TPD52: variants seen among roughly 807,000 people sequenced by gnomAD.
The protein encoded by TPD52 is tumor protein D52.
A neutral mutation model predicts 31.3 loss-of-function variants in TPD52; 17 were observed. The observed-to-expected ratio is 0.54, with a 90% confidence interval of 0.37 to 0.82. The LOEUF (loss-of-function observed/expected upper bound fraction) is 0.82. Ranked by LOEUF, TPD52 falls within the 40% of genes least tolerant of loss-of-function variation. The pLI is 0.00. For synonymous variants in TPD52, 83 were observed against 89.6 expected, an observed-to-expected ratio of 0.93 and a Z score of 0.42; for missense variants, 212 against 240.1, an observed-to-expected ratio of 0.88 and a Z score of 0.77.
At chr8:80,132,331 T>C (rs1216421996) in intron 1 of TPD52, among the ~76,000 whole-genome samples, 1 of 152,118 alleles carries the variant, frequency 6.6e-6, no homozygotes. Context: ...AGAACAGCAC[T>C]TCTTGGGTTT....
intron 2 of TPD52, among the ~76,000 whole-genome samples, chr8:80,061,752 A>G (rs1404982975): frequency 6.6e-6 from 1 of 152,242 alleles, no homozygotes; most frequent in Non-Finnish European, 1.5e-5. Flanking sequence ...ATCAAGATAT[A>G]ATATTCAGTT....
At chr8:80,101,133 T>C (rs1359508143) in intron 1 of TPD52, among the ~76,000 whole-genome samples, 1 of 152,112 alleles carries the variant, frequency 6.6e-6, no homozygotes, top group Non-Finnish European at 1.5e-5. Flanking sequence ...AGAGAAATAA[T>C]GTAGATAACA....
chr8:80,086,099 T>TG, intron 1 of TPD52, among the ~76,000 whole-genome samples: 1 of 128,620 alleles, frequency 7.8e-6, no homozygotes, highest in East Asian at 2.6e-4. Flanking sequence ...CGGGTTTTTT[T>TG]GCTTTTTTTT....
chr8:80,057,398 A>AT, intron 2 of TPD52, among the ~76,000 whole-genome samples: 1 of 152,338 alleles, frequency 6.6e-6, no homozygotes, highest in Non-Finnish European at 1.5e-5. Context: ...TGTTTATTGC[A>AT]TCACTATTCA....
At chr8:80,163,234 TGATAGATAA>T (rs1811479047) in intron 1 of TPD52, among the ~76,000 whole-genome samples, 1 of 152,190 alleles carries the variant, frequency 6.6e-6, no homozygotes, top group Non-Finnish European at 1.5e-5. Flanking sequence ...TAATTTCCAC[TGATAGATAA>T]ATAATAAAGA....
At chr8:80,132,600 G>A (rs1809097687) in intron 1 of TPD52, among the ~76,000 whole-genome samples, 1 of 152,150 alleles carries the variant, frequency 6.6e-6, no homozygotes, top group African/African-American at 2.4e-5. Flanking sequence ...CTGGTTGTTA[G>A]AATTGTGACT....
chr8:80,162,379 C>T (rs920743646), intron 1 of TPD52, among the ~76,000 whole-genome samples: 1 of 152,092 alleles, frequency 6.6e-6, no homozygotes, highest in East Asian at 1.9e-4. Context: ...GAAGGCAAGA[C>T]ACACTAAGAT....
chr8:80,041,855 C>T lies in TPD52; in HGVS notation c.504+765G>A, dbSNP rs372415869. Among the ~76,000 whole-genome samples the T allele has an allele frequency of 5.4e-3, 824 of 152,092 alleles. 6 individuals carry two copies. The highest frequency in any genetic ancestry group is 0.019 in the African/African-American group (783 of 41,484). ...CTGTAATCCCAGCACTTTGGGAGGC[C>T]GAGGCGGGCGGATCACGAGGTCAGG... On this transcript the variant is annotated intron_variant, in intron 7 of 7. Transcript: ENST00000518937.
chr8:80,073,140 T>C (rs1171813882), intron 1 of TPD52, among the ~76,000 whole-genome samples: 3 of 151,854 alleles, frequency 2.0e-5, no homozygotes, highest in Non-Finnish European at 4.4e-5. Context: ...GAAATAAAGG[T>C]ATTAACTCAA....
At chr8:80,065,350 GTA>G (rs1459009459) in intron 1 of TPD52, among the ~76,000 whole-genome samples, 1 of 150,356 alleles carries the variant, frequency 6.7e-6, no homozygotes, top group Non-Finnish European at 1.5e-5. Context: ...GAATACTAAG[GTA>G]TATGTTCAGA....
intron 1 of TPD52, among the ~76,000 whole-genome samples, chr8:80,164,898 C>CAAAAAAAAAAAAAAAAA (rs34027501): frequency 3.1e-5 from 1 of 31,908 alleles, no homozygotes; most frequent in African/African-American, 1.1e-4. Context: ...GACAATGTCT[C>CAAAAAAAAAAAAAAAAA]AAAAAAAAAA....
intron 1 of TPD52, among the ~76,000 whole-genome samples, chr8:80,068,456 T>G (rs1813408818): frequency 1.3e-5 from 2 of 152,344 alleles, no homozygotes; most frequent in East Asian, 1.9e-4. Flanking sequence ...GATCCCTGGT[T>G]TGAAAGTCAC....
At chr8:80,053,156 G>T in intron 3 of TPD52, 126 bp downstream of exon 3, 1 of 1,026,962 alleles carries the variant, frequency 9.7e-7, no homozygotes, top group Non-Finnish European at 1.4e-6. Context: ...AGAAAAAAAG[G>T]GTGCCGTGTC....
intron 1 of TPD52, among the ~76,000 whole-genome samples, chr8:80,068,522 GTTA>G (rs1813413628): frequency 6.6e-6 from 1 of 152,196 alleles, no homozygotes; most frequent in Non-Finnish European, 1.5e-5. Flanking sequence ...CTTCCATCAG[GTTA>G]TTAACATTTT....
intron 1 of TPD52, among the ~76,000 whole-genome samples, chr8:80,074,515 G>A (rs76717977): frequency 4.6e-5 from 7 of 152,274 alleles, no homozygotes; most frequent in Non-Finnish European, 1.0e-4. Flanking sequence ...ACGGCACCAC[G>A]GGCGTCATGC....
intron 1 of TPD52, among the ~76,000 whole-genome samples, chr8:80,166,783 G>A (rs1468385034): frequency 1.3e-5 from 2 of 151,884 alleles, no homozygotes; most frequent in African/African-American, 4.8e-5. Flanking sequence ...GCATGCGCCT[G>A]TAGTCCCAGC....
At chr8:80,119,530 C>T (rs1321310770) in intron 1 of TPD52, among the ~76,000 whole-genome samples, 1 of 151,936 alleles carries the variant, frequency 6.6e-6, no homozygotes, top group African/African-American at 2.4e-5. Context: ...GGACAGTTTT[C>T]TGGGGGAAAA....
At chr8:80,051,917 C>T in intron 3 of TPD52, 1 of 301,988 alleles carries the variant, frequency 3.3e-6, no homozygotes. Flanking sequence ...AAATAATCAT[C>T]AAACCAAGAT....
chr8:80,082,988 A>G (rs960300540), intron 1 of TPD52, among the ~76,000 whole-genome samples: 49 of 152,194 alleles, frequency 3.2e-4, no homozygotes, highest in African/African-American at 1.2e-3. Flanking sequence ...CTCCAGTCAG[A>G]TCCCAGTCAA....
Sources: gnomAD v4.1 joint callset for allele counts (sites outside exome capture counted in the v4.1 genomes callset) on GRCh38, gnomAD v4.1.1 for gene constraint, MANE v1.5 for transcripts, NCBI Gene and HGNC (gene_info 2026-07-23, HGNC 2026-07-21) for gene names.